The following MCRS1 variants were observed in gnomAD, a reference collection of about 807,000 sequenced individuals.
The protein encoded by MCRS1 is 58 kDa microspherule protein.
In MCRS1, 22 loss-of-function variants were observed where a neutral mutation model predicts 62.9. That is an observed-to-expected ratio of 0.35 (90% CI 0.25 to 0.50). MCRS1 has a LOEUF of 0.50. Ranked by LOEUF, MCRS1 falls within the 20% of genes least tolerant of loss-of-function variation. MCRS1 has a pLI of 0.98. For missense variants in MCRS1, 456 were observed against 601.1 expected, an observed-to-expected ratio of 0.76 and a Z score of 2.52; for synonymous variants, 244 against 233.5, an observed-to-expected ratio of 1.04 and a Z score of -0.41.
At position 49,565,610 on chromosome 12, in the gene MCRS1, A is replaced by T. The variant is rs763777080; in HGVS notation, c.207T>A (p.Ser69=). 1.2e-6 allele frequency: 2 copies of T among 1,613,868 alleles called. No individual in the cohort carries two copies. The highest frequency in any genetic ancestry group is 2.2e-5 in the South Asian group (2 of 91,078). Reference sequence around the variant, plus strand: ...CACTGGCCCCCTTTGCCCGGGTAGAAGATTTTGCCAGGCTGCTCTCCACCA... The same window carrying T: ...CACTGGCCCCCTTTGCCCGGGTAGATGATTTTGCCAGGCTGCTCTCCACCA... ...DELVESSLAK[S]STRAKGASGV... is the part of the protein sequence containing the mutation. The change falls in exon 4 of 15, where the codon TCT becomes TCA. Residue 69 remains serine (S), a synonymous_variant. Transcript: ENST00000343810.
Position 49,559,151 on chromosome 12 carries a change from C to T in MCRS1, c.1174+63G>A. Reference sequence around the variant, plus strand: ...ACACCAAGCCCAGGGCTAGAAAGGACAGCGAGAGGCTGGGAGGGACGACCT... The same window carrying T: ...ACACCAAGCCCAGGGCTAGAAAGGATAGCGAGAGGCTGGGAGGGACGACCT... On this transcript the variant is annotated intron_variant, in intron 13 of 14. Transcript: ENST00000343810. The surrounding 1 kb of genome is among the most constrained non-coding windows in gnomAD (Gnocchi z 5.2). 6.4e-7 allele frequency: 1 copy of T among 1,569,958 alleles called. No individual in the cohort carries two copies. Among genetic ancestry groups the T allele is most frequent in the Non-Finnish European group, 8.7e-7 (1 of 1,145,280 alleles).
In MCRS1 at chr12:49,565,793, C is replaced by T. The variant is rs564769028; in HGVS notation, c.150-126G>A. On this transcript the variant is annotated intron_variant, in intron 3 of 14. Transcript: ENST00000343810. ...TCTGCTCCAGCCTGCTTTCACTTTACGCCACAGCCTGGTTGTGGCCATGGA... is the reference window on the plus strand; with the variant it reads ...TCTGCTCCAGCCTGCTTTCACTTTATGCCACAGCCTGGTTGTGGCCATGGA... The T allele has an allele frequency of 3.2e-4, 437 of 1,383,004 alleles. 6 individuals are homozygous for T. In the South Asian group the frequency reaches 3.2e-3, roughly 10 times the overall value. 85.7% of individuals were successfully genotyped at this position (1,383,004 alleles called of 1,614,324 possible). A position where few individuals can be genotyped will look rare whatever the true frequency, so the allele number is the denominator to read the frequency against.
intron 9 of MCRS1, 132 bp downstream of exon 9, chr12:49,560,163 G>C: frequency 8.3e-7 from 1 of 1,204,228 alleles, no homozygotes; most frequent in East Asian, 2.3e-5. Flanking sequence ...CCAGTGGGAG[G>C]GGAGGGGGCT....
rs778094784 is a variant in MCRS1 at position 49,559,344 on chromosome 12, G to A, written c.1087-43C>T. The A allele has an allele frequency of 6.2e-7, 1 of 1,607,632 alleles. No individual in the cohort carries two copies. The highest frequency in any genetic ancestry group is 1.1e-5 in the South Asian group (1 of 90,928). ...GTGAGGGCTGGGACCTGAAGAATTG[G>A]GGGAGTAGGTCTATGCAGGCCAGAG... On this transcript the variant is annotated intron_variant, in intron 12 of 14. Transcript: ENST00000343810. The surrounding 1 kb of genome is among the most constrained non-coding windows in gnomAD (Gnocchi z 5.2).
At chr12:49,562,958 G>A in intron 8 of MCRS1, 43 bp downstream of exon 8, 1 of 1,566,636 alleles carries the variant, frequency 6.4e-7, no homozygotes, top group Non-Finnish European at 8.7e-7. Flanking sequence ...ACACACACAT[G>A]CACGTGCACA....
intron 6 of MCRS1, among the ~76,000 whole-genome samples, chr12:49,564,117 T>C (rs915138978): frequency 2.0e-5 from 3 of 152,106 alleles, no homozygotes; most frequent in Non-Finnish European, 4.4e-5. Context: ...GTTAGGAGGA[T>C]GAAACTGTAG....
At chr12:49,565,933 G>T in intron 3 of MCRS1, 144 bp downstream of exon 3, 4 of 1,261,270 alleles carry the variant, frequency 3.2e-6, no homozygotes, top group Non-Finnish European at 4.4e-6. Flanking sequence ...ATTTAGCAGG[G>T]ACAGGAAAAG....
At chr12:49,561,034 G>A (rs2138187370) in intron 8 of MCRS1, among the ~76,000 whole-genome samples, 1 of 152,242 alleles carries the variant, frequency 6.6e-6, no homozygotes, top group South Asian at 2.1e-4. Flanking sequence ...GATAAATACA[G>A]TTTCATGAAA....
At chr12:49,567,684 C>T (rs1000227936) in intron 1 of MCRS1, 2 of 152,166 alleles carry the variant, frequency 1.3e-5, no homozygotes, top group Non-Finnish European at 2.9e-5. Context: ...GAGTGCACAC[C>T]CAAGGTAGGG....
At chr12:49,558,805 G>T in intron 14 of MCRS1, 38 bp downstream of exon 14, 1 of 1,613,408 alleles carries the variant, frequency 6.2e-7, no homozygotes, top group East Asian at 2.2e-5. Context: ...ACCACGCCTA[G>T]GTCTCATCCT....
Position 49,559,389 on chromosome 12 carries a change from C to T in MCRS1, c.1086+64G>A. 1 of 1,610,288 alleles carries T rather than the reference C, an allele frequency of 6.2e-7. No homozygotes were observed. Among genetic ancestry groups the T allele is most frequent in the South Asian group, 1.1e-5 (1 of 90,990 alleles). Reference sequence around the variant, plus strand: ...CCAGAGAAAGATGGGAAACCAAGGACTACGCAGAGAAAGGCACTGACAGAG... The same window carrying T: ...CCAGAGAAAGATGGGAAACCAAGGATTACGCAGAGAAAGGCACTGACAGAG... On this transcript the variant is annotated intron_variant, in intron 12 of 14. Coordinates refer to ENST00000343810, the MANE Select transcript of MCRS1 (RefSeq NM_006337.5). The surrounding 1 kb of genome is among the most constrained non-coding windows in gnomAD (Gnocchi z 5.2).
chr12:49,565,500 C>T, intron 4 of MCRS1, 29 bp downstream of exon 4: 2 of 1,555,606 alleles, frequency 1.3e-6, no homozygotes, highest in Non-Finnish European at 1.7e-6. Flanking sequence ...GGCACTACCT[C>T]CCATCCCCTA....
intron 6 of MCRS1, among the ~76,000 whole-genome samples, chr12:49,564,130 G>A (rs943946851): frequency 4.6e-5 from 7 of 152,186 alleles, no homozygotes; most frequent in African/African-American, 1.7e-4. Flanking sequence ...AACTGTAGGA[G>A]GTCAATGTGG....
chr12:49,562,377 G>A (rs1001890250), intron 8 of MCRS1, among the ~76,000 whole-genome samples: 1 of 152,228 alleles, frequency 6.6e-6, no homozygotes, highest in Non-Finnish European at 1.5e-5. Flanking sequence ...CTGGGAGAGT[G>A]AGTGCTGTGC....
intron 8 of MCRS1, among the ~76,000 whole-genome samples, chr12:49,561,773 C>T (rs1367557459): frequency 1.3e-5 from 2 of 152,174 alleles, no homozygotes; most frequent in South Asian, 2.1e-4. Context: ...GGATTACAGG[C>T]GTGTGCCACC....
intron 2 of MCRS1, chr12:49,566,465 C>A: frequency 6.4e-7 from 1 of 1,563,600 alleles, no homozygotes; most frequent in South Asian, 1.2e-5. Context: ...GTGCTCAGGT[C>A]AGACTGGTGA....
intron 7 of MCRS1, 95 bp downstream of exon 7, chr12:49,563,343 G>C: frequency 7.2e-7 from 1 of 1,384,234 alleles, no homozygotes; most frequent in Non-Finnish European, 1.0e-6. Flanking sequence ...CACATATCCA[G>C]ACAGTGGGTG....
At chr12:49,561,976 G>A (rs533774011) in intron 8 of MCRS1, among the ~76,000 whole-genome samples, 54 of 152,334 alleles carry the variant, frequency 3.5e-4, no homozygotes, top group South Asian at 6.2e-4. Context: ...AAGTTATCCA[G>A]TCAGTATCTG....
At chr12:49,564,412 C>T (rs975160632) in intron 6 of MCRS1, 69 bp downstream of exon 6, 8 of 1,332,068 alleles carry the variant, frequency 6.0e-6, no homozygotes, top group African/African-American at 1.5e-5. Flanking sequence ...TGGTACAATT[C>T]CCTCTGCTCC....
Sources: allele counts gnomAD v4.1 joint callset (sites outside exome capture counted in the v4.1 genomes callset), GRCh38; gene constraint gnomAD v4.1.1; non-coding constraint Gnocchi (gnomAD v3.1); transcripts MANE v1.5; gene names NCBI Gene and HGNC (gene_info 2026-07-23, HGNC 2026-07-21).